The following COL10A1 variants were observed in gnomAD, a reference collection of about 807,000 sequenced individuals.
COL10A1 encodes collagen alpha-1(X) chain.
A neutral mutation model predicts 18.2 loss-of-function variants in COL10A1; 10 were observed. The observed-to-expected ratio is 0.55, with a 90% confidence interval of 0.34 to 0.93. The LOEUF is 0.93. Among genes scored for constraint, COL10A1 ranks in the 40% least tolerant of loss-of-function variants. The pLI, the probability that COL10A1 is intolerant of heterozygous loss-of-function variation, is 0.02. For synonymous variants in COL10A1, 330 were observed against 316.6 expected, an observed-to-expected ratio of 1.04 and a Z score of -0.45; for missense variants, 897 against 853.5, an observed-to-expected ratio of 1.05 and a Z score of -0.64.
the COL10A1 span, among the ~76,000 whole-genome samples, chr6:116,205,571 G>T: frequency 6.6e-6 from 1 of 151,550 alleles, no homozygotes; most frequent in Non-Finnish European, 1.5e-5. Context: ...TCTTCCCAAA[G>T]GAAATTCCTT....
chr6:116,200,382 A>G, the COL10A1 span, among the ~76,000 whole-genome samples: 1 of 151,998 alleles, frequency 6.6e-6, no homozygotes, highest in South Asian at 2.1e-4. Context: ...AAGGAAATCT[A>G]AATGAAGTGA....
At chr6:116,194,709 A>G in the COL10A1 span, among the ~76,000 whole-genome samples, 4 of 152,206 alleles carry the variant, frequency 2.6e-5, no homozygotes, top group African/African-American at 9.6e-5. Flanking sequence ...AAGTATAATT[A>G]TATTATTTAG....
the COL10A1 span, among the ~76,000 whole-genome samples, chr6:116,168,829 C>T: frequency 6.6e-6 from 1 of 152,144 alleles, no homozygotes; most frequent in African/African-American, 2.4e-5. Context: ...TTCTGGCAGG[C>T]AGCTAGGGCT....
At chr6:116,147,454 A>T (rs1173789162) in intron 1 of COL10A1, among the ~76,000 whole-genome samples, 1 of 152,080 alleles carries the variant, frequency 6.6e-6, no homozygotes, top group African/African-American at 2.4e-5. Flanking sequence ...AAAAGAAAAA[A>T]AAAATAAAAA....
At chr6:116,213,905 T>C in the COL10A1 span, among the ~76,000 whole-genome samples, 1 of 151,748 alleles carries the variant, frequency 6.6e-6, no homozygotes, top group Non-Finnish European at 1.5e-5. Flanking sequence ...TTACCCACAC[T>C]ACTTTTTTTT....
chr6:116,214,690 C>A, the COL10A1 span, among the ~76,000 whole-genome samples: 4 of 152,120 alleles, frequency 2.6e-5, no homozygotes, highest in South Asian at 4.1e-4. Flanking sequence ...TACCAAAAGT[C>A]TGTTTTTGAA....
chr6:116,156,251 C>T (rs1780190399), intron 1 of COL10A1, among the ~76,000 whole-genome samples: 2 of 152,140 alleles, frequency 1.3e-5, no homozygotes, highest in South Asian at 4.1e-4. Context: ...TTTTCCTCCT[C>T]TGCAACCCAT....
the COL10A1 span, among the ~76,000 whole-genome samples, chr6:116,186,036 T>C: frequency 6.6e-6 from 1 of 152,092 alleles, no homozygotes; most frequent in East Asian, 1.9e-4. Context: ...TTAGAGCTTC[T>C]TATAGTGGTT....
the COL10A1 span, among the ~76,000 whole-genome samples, chr6:116,211,742 T>C: frequency 2.6e-5 from 4 of 152,076 alleles, no homozygotes; most frequent in African/African-American, 4.8e-5. Flanking sequence ...TTTTATAAGA[T>C]TTTTCTCGAC....
At position 116,141,885 on chromosome 6, in the gene COL10A1, A is replaced by AACACACACAC. The variant is rs3051942; in HGVS notation, c.-15-16388_-15-16379dup. On this transcript the variant is annotated intron_variant, in intron 1 of 1. Coordinates refer to the COL10A1 transcript ENST00000418500. ...GTAAAAGATTTTCTGCCAAAAAGAA[A>AACACACACAC]ACACACACACACACACACACACACA... is the stretch of plus-strand genomic sequence containing the variant. Among the ~76,000 whole-genome samples the AACACACACAC allele has an allele frequency of 3.2e-3, 449 of 140,392 alleles. 7 individuals are homozygous for AACACACACAC. Among genetic ancestry groups the AACACACACAC allele is most frequent in the African/African-American group, 0.011 (406 of 37,462 alleles). 92.1% of individuals were successfully genotyped at this position (140,392 alleles called of 152,430 possible). A position where few individuals can be genotyped will look rare whatever the true frequency, so the allele number is the denominator to read the frequency against.
At chr6:116,200,518 A>G in the COL10A1 span, among the ~76,000 whole-genome samples, 1 of 152,002 alleles carries the variant, frequency 6.6e-6, no homozygotes, top group Non-Finnish European at 1.5e-5. Flanking sequence ...TATCTTTGTA[A>G]TTTTTCTGTC....
the COL10A1 span, among the ~76,000 whole-genome samples, chr6:116,195,852 A>T: frequency 6.6e-6 from 1 of 152,046 alleles, no homozygotes; most frequent in Non-Finnish European, 1.5e-5. Context: ...GCTATTTTCT[A>T]ACAGTAACTT....
chr6:116,151,530 G>A (rs1330552730), intron 1 of COL10A1, among the ~76,000 whole-genome samples: 2 of 152,030 alleles, frequency 1.3e-5, no homozygotes, highest in Non-Finnish European at 2.9e-5. Flanking sequence ...GTTTAAATTC[G>A]TTAATATAAG....
chr6:116,170,057 G>A, the COL10A1 span, among the ~76,000 whole-genome samples: 11 of 152,170 alleles, frequency 7.2e-5, no homozygotes, highest in African/African-American at 1.4e-4. Context: ...AGCCATAAGC[G>A]ACATTGTCCA....
the COL10A1 span, among the ~76,000 whole-genome samples, chr6:116,180,286 A>G: frequency 6.6e-6 from 1 of 152,112 alleles, no homozygotes; most frequent in African/African-American, 2.4e-5. Context: ...AAAGGAAAGA[A>G]TGAAACAATT....
intron 1 of COL10A1, chr6:116,145,529 G>A (rs909936714): frequency 1.3e-5 from 4 of 311,762 alleles, no homozygotes; most frequent in Admixed American, 5.8e-5. Context: ...TATTTCATTA[G>A]AACTCCTGTC....
At chr6:116,209,144 G>A in the COL10A1 span, among the ~76,000 whole-genome samples, 2 of 151,884 alleles carry the variant, frequency 1.3e-5, no homozygotes, top group Non-Finnish European at 2.9e-5. Context: ...TTACTGTCCC[G>A]TAGTTATTAA....
At chr6:116,207,279 G>A in the COL10A1 span, among the ~76,000 whole-genome samples, 1 of 143,964 alleles carries the variant, frequency 6.9e-6, no homozygotes, top group African/African-American at 2.8e-5. Context: ...TTCTGTACCT[G>A]CATTTCCTTT....
chr6:116,177,029 C>T, the COL10A1 span, among the ~76,000 whole-genome samples: 1 of 152,036 alleles, frequency 6.6e-6, no homozygotes, highest in African/African-American at 2.4e-5. Context: ...TACAAAATGT[C>T]CAGAGAACTA....
Sources: allele counts gnomAD v4.1 joint callset (sites outside exome capture counted in the v4.1 genomes callset), GRCh38; gene constraint gnomAD v4.1.1; transcripts MANE v1.5; gene names NCBI Gene and HGNC (gene_info 2026-07-23, HGNC 2026-07-21).